EXD2: variants seen among roughly 807,000 people sequenced by gnomAD.
EXD2 encodes the protein exonuclease 3'-5' domain-containing protein 2.
A neutral mutation model predicts 62.5 loss-of-function variants in EXD2; 40 were observed. The ratio of observed to expected loss-of-function variants is 0.64; its 90% CI spans 0.50 to 0.83. The LOEUF is 0.83. Ranked by LOEUF, EXD2 falls within the 40% of genes least tolerant of loss-of-function variation. The pLI is 0.00. For synonymous variants in EXD2, 239 were observed against 291.9 expected, an observed-to-expected ratio of 0.82 and a Z score of 1.85; for missense variants, 671 against 761.8, an observed-to-expected ratio of 0.88 and a Z score of 1.40.
intron 1 of EXD2, among the ~76,000 whole-genome samples, chr14:69,195,098 T>C (rs900723259): frequency 6.6e-6 from 1 of 151,818 alleles, no homozygotes; most frequent in Admixed American, 6.6e-5. Flanking sequence ...GCGCCTGTAA[T>C]CCCAGCTACT....
intron 6 of EXD2, chr14:69,235,685 T>C: frequency 3.1e-6 from 1 of 317,662 alleles, no homozygotes; most frequent in Non-Finnish European, 6.0e-6. Flanking sequence ...TTACTTTGGC[T>C]TGAACTTTAA....
At chr14:69,208,443 C>G (rs1377647183) in intron 2 of EXD2, among the ~76,000 whole-genome samples, 2 of 152,102 alleles carry the variant, frequency 1.3e-5, no homozygotes, top group Admixed American at 6.5e-5. Flanking sequence ...ATCTCCTGAC[C>G]TCGTGATCCA....
intron 8 of EXD2, among the ~76,000 whole-genome samples, chr14:69,237,142 G>A (rs2043822448): frequency 1.3e-5 from 2 of 152,182 alleles, no homozygotes; most frequent in African/African-American, 2.4e-5. Context: ...GATGAACCTG[G>A]TGAACCAGGG....
rs1353427145 is a variant in EXD2 at position 69,191,539 on chromosome 14, C to G, written c.-184C>G. The G allele has an allele frequency of 6.6e-6, 1 of 152,396 alleles. No homozygotes were observed. The highest frequency in any genetic ancestry group is 1.5e-5 in the Non-Finnish European group (1 of 68,196). The allele number at this position is 152,396 out of a possible 1,614,324, so 9.4% of individuals were successfully genotyped here. ...TGCGCGCAGGCGGCCGCACAGGTTCCAGGTCTTTAACGTGAGCCCGCTGCA... is the reference window on the plus strand; with the variant it reads ...TGCGCGCAGGCGGCCGCACAGGTTCGAGGTCTTTAACGTGAGCCCGCTGCA... On this transcript the variant is annotated 5_prime_UTR_variant, in exon 1 of 10. Coordinates refer to ENST00000685843, the MANE Select transcript of EXD2 (RefSeq NM_001193360.2).
At chr14:69,225,048 A>G (rs1768466975) in intron 3 of EXD2, among the ~76,000 whole-genome samples, 1 of 152,178 alleles carries the variant, frequency 6.6e-6, no homozygotes, top group South Asian at 2.1e-4. Context: ...AGCTTCTTTC[A>G]GCATCTCTGA....
chr14:69,240,939 C>T lies in EXD2; in HGVS notation c.1705C>T (p.Gln569Ter), dbSNP rs1206592718. The T allele has an allele frequency of 6.2e-7, 1 of 1,613,710 alleles. No individual in the cohort carries two copies. The highest frequency in any genetic ancestry group is 8.5e-7 in the Non-Finnish European group (1 of 1,180,024). ...GCTGAAGGTGGTGCAGTGTCACAGC[C>T]AGGGTGGCCTGCGCTCCCTCATGCA... ...HGLKVVQCHS[Q>*]GGLRSLMQLE... The change falls in exon 10 of 10, where the codon CAG (glutamine) becomes TAG (stop). Residue 569 changes from glutamine (Q) to a stop codon, truncating the protein, a stop_gained. Transcript: ENST00000685843. LOFTEE classifies it high-confidence loss of function.
At chr14:69,204,116 A>G (rs2042502031) in intron 2 of EXD2, 116 bp downstream of exon 2, 1 of 152,232 alleles carries the variant, frequency 6.6e-6, no homozygotes, top group African/African-American at 2.4e-5. Flanking sequence ...TTAAAGTGTG[A>G]TTTATTCCAA....
chr14:69,198,424 T>C (rs1037480808), intron 1 of EXD2, among the ~76,000 whole-genome samples: 2 of 152,214 alleles, frequency 1.3e-5, no homozygotes, highest in Non-Finnish European at 2.9e-5. Flanking sequence ...ACGGCCTTGC[T>C]CTCCTCCAGG....
chr14:69,199,208 C>A (rs113501553), intron 1 of EXD2, among the ~76,000 whole-genome samples: 11,583 of 152,264 alleles, frequency 0.076, 515 homozygotes, highest in African/African-American at 0.11. Context: ...CACGCCACTG[C>A]ACACCAGCCT....
In EXD2 at chr14:69,242,972, C is replaced by T. The variant is rs2044018545; in HGVS notation, c.*1872C>T. 2 of 152,154 alleles carry T rather than the reference C, an allele frequency of 1.3e-5. No individual in the cohort carries two copies. Among genetic ancestry groups the T allele is most frequent in the South Asian group, 2.1e-4 (1 of 4,820 alleles). The allele number at this position is 152,154 out of a possible 1,614,324, so 9.4% of individuals were successfully genotyped here. A position where few individuals can be genotyped will look rare whatever the true frequency, so the allele number is the denominator to read the frequency against. On this transcript the variant is annotated 3_prime_UTR_variant, in exon 10 of 10. Transcript: ENST00000685843. Reference sequence around the variant, plus strand: ...TTTCATTTTCTTTCCTTCTAATCCTCATGCCAAGAGGTGAGAAACACTTAA... The same window carrying T: ...TTTCATTTTCTTTCCTTCTAATCCTTATGCCAAGAGGTGAGAAACACTTAA...
Position 69,236,530 on chromosome 14 carries a change from A to AC in EXD2, c.1281dup (p.Ser428LeufsTer11). The AC allele has an allele frequency of 6.2e-7, 1 of 1,613,850 alleles. No individual in the cohort carries two copies. Among genetic ancestry groups the AC allele is most frequent in the Non-Finnish European group, 8.5e-7 (1 of 1,179,946 alleles). On this transcript the variant is annotated frameshift_variant, in exon 8 of 10. Transcript: ENST00000685843. LOFTEE classifies it high-confidence loss of function. ...CTGTGTGTAGTGTGTGGCAAGAGAG[A>AC]CTCCTACATTCGGTGAGTGCAGCAT...
chr14:69,240,928 A>G lies in EXD2; in HGVS notation c.1694A>G (p.Gln565Arg). 6.2e-7 allele frequency: 1 copy of G among 1,613,776 alleles called. No homozygotes were observed. The highest frequency in any genetic ancestry group is 8.5e-7 in the Non-Finnish European group (1 of 1,180,006). The change falls in exon 10 of 10, where the codon CAG (glutamine) becomes CGG (arginine). Residue 565 changes from glutamine (Q) to arginine (R), a missense_variant. Transcript: ENST00000685843. ...GTTCCTCACGGGCTGAAGGTGGTGC[A>G]GTGTCACAGCCAGGGTGGCCTGCGC... ...NYVPHGLKVV[Q>R]CHSQGGLRSL...
chr14:69,204,090 A>G (rs2042501262), intron 2 of EXD2, 90 bp downstream of exon 2: 1 of 152,236 alleles, frequency 6.6e-6, no homozygotes. Context: ...CACTTTATAC[A>G]TAATCATTTA....
At chr14:69,196,286 C>G (rs920871599) in intron 1 of EXD2, 2 of 152,150 alleles carry the variant, frequency 1.3e-5, no homozygotes, top group African/African-American at 4.8e-5. Context: ...CTGCGAAGAC[C>G]CTATTTTCAA....
chr14:69,193,710 G>A (rs1482099415), intron 1 of EXD2, among the ~76,000 whole-genome samples: 1 of 151,872 alleles, frequency 6.6e-6, no homozygotes, highest in East Asian at 1.9e-4. Context: ...AAAATTTTAG[G>A]TTTTAATTTA....
intron 3 of EXD2, among the ~76,000 whole-genome samples, chr14:69,215,631 C>T (rs1397286959): frequency 6.6e-6 from 1 of 152,146 alleles, no homozygotes; most frequent in Non-Finnish European, 1.5e-5. Context: ...GTTTTACATC[C>T]TTGTCCACAT....
chr14:69,206,730 C>T (rs1463088947), intron 2 of EXD2, among the ~76,000 whole-genome samples: 1 of 152,130 alleles, frequency 6.6e-6, no homozygotes, highest in African/African-American at 2.4e-5. Flanking sequence ...CGTCCACCTG[C>T]CTCGGCCTCC....
At chr14:69,198,882 C>T (rs2042295497) in intron 1 of EXD2, among the ~76,000 whole-genome samples, 1 of 152,176 alleles carries the variant, frequency 6.6e-6, no homozygotes, top group Non-Finnish European at 1.5e-5. Flanking sequence ...GCAGTTGTAA[C>T]ACAGTGGTAA....
intron 3 of EXD2, among the ~76,000 whole-genome samples, chr14:69,219,589 T>G (rs1460803443): frequency 6.6e-6 from 1 of 152,222 alleles, no homozygotes; most frequent in Non-Finnish European, 1.5e-5. Context: ...TTTAATAATG[T>G]ATTTATAGTT....
Sources: allele counts gnomAD v4.1 joint callset (sites outside exome capture counted in the v4.1 genomes callset), GRCh38; gene constraint gnomAD v4.1.1; transcripts MANE v1.5; gene names NCBI Gene and HGNC (gene_info 2026-07-23, HGNC 2026-07-21).